Variants in PHF20 observed in about 807,000 individuals in gnomAD.
PHF20 encodes PHD finger protein 20.
PHF20 carries 23 observed loss-of-function variants against 113.5 expected under a neutral mutation model. That is an observed-to-expected ratio of 0.20 (90% CI 0.15 to 0.29). The LOEUF is 0.29. Among genes scored for constraint, PHF20 ranks in the 10% least tolerant of loss-of-function variants. The pLI is 1.00. For synonymous variants in PHF20, 434 were observed against 457.3 expected, an observed-to-expected ratio of 0.95 and a Z score of 0.65; for missense variants, 943 against 1,219.6, an observed-to-expected ratio of 0.77 and a Z score of 3.38.
chr20:35,901,417 A>G (rs888808870), intron 10 of PHF20, among the ~76,000 whole-genome samples: 11 of 151,386 alleles, frequency 7.3e-5, no homozygotes, highest in Admixed American at 5.3e-4. Flanking sequence ...TCTGTCTAAA[A>G]AAAAAAAAAA....
intron 9 of PHF20, among the ~76,000 whole-genome samples, chr20:35,877,579 T>C (rs1229886522): frequency 6.7e-6 from 1 of 148,324 alleles, no homozygotes; most frequent in Admixed American, 6.7e-5. Context: ...CCTCCCACTT[T>C]CTTTTTTTTT....
At chr20:35,835,253 C>T (rs1044254006) in intron 2 of PHF20, among the ~76,000 whole-genome samples, 4 of 151,350 alleles carry the variant, frequency 2.6e-5, no homozygotes, top group Admixed American at 1.3e-4. Flanking sequence ...CCAGTCTGGG[C>T]GACAGAGCGA....
intron 5 of PHF20, among the ~76,000 whole-genome samples, chr20:35,860,978 A>T (rs2054208718): frequency 6.6e-6 from 1 of 152,044 alleles, no homozygotes; most frequent in Admixed American, 6.6e-5. Context: ...GCCATGCTTC[A>T]TTTCTCATTT....
chr20:35,899,893 G>A (rs190903286), intron 10 of PHF20, among the ~76,000 whole-genome samples: 14 of 152,328 alleles, frequency 9.2e-5, no homozygotes, highest in Non-Finnish European at 1.9e-4. Context: ...GCTGCTTCCA[G>A]TATGAGTGGG....
At chr20:35,857,146 AC>A (rs2042845023) in intron 4 of PHF20, among the ~76,000 whole-genome samples, 1 of 152,208 alleles carries the variant, frequency 6.6e-6, no homozygotes, top group Admixed American at 6.5e-5. Flanking sequence ...GGAAACCATT[AC>A]GTGATTACCA....
chr20:35,842,550 C>T, intron 2 of PHF20, 23 bp from the exon 3 acceptor site: 1 of 1,593,006 alleles, frequency 6.3e-7, no homozygotes, highest in Non-Finnish European at 8.6e-7. Flanking sequence ...AAAGGAATGC[C>T]AATTTTTTTT....
At chr20:35,843,736 C>A (rs1182219485) in intron 3 of PHF20, among the ~76,000 whole-genome samples, 2 of 151,972 alleles carry the variant, frequency 1.3e-5, no homozygotes, top group Non-Finnish European at 2.9e-5. Context: ...GCCCACCACA[C>A]CCGGCTAATT....
At position 35,913,277 on chromosome 20, in the gene PHF20, G is replaced by A. The variant is rs1308937561; in HGVS notation, c.1590G>A (p.Glu530=). ...CAAAAGACAAGGAAAAGAATAAAGA[G>A]AAGAAATTCAAGGAGTTTGTGAGAG... The part of the protein sequence containing the change: ...PTTKDKEKNK[E]KKFKEFVRVK... The change falls in exon 11 of 18, where the codon GAG becomes GAA. Residue 530 remains glutamate, a synonymous_variant. Coordinates refer to ENST00000374012, the MANE Select transcript of PHF20 (RefSeq NM_016436.5). 6.2e-7 allele frequency: 1 copy of A among 1,601,508 alleles called. No individual in the cohort carries two copies. The highest frequency in any genetic ancestry group is 8.5e-7 in the Non-Finnish European group (1 of 1,173,130).
At chr20:35,799,185 C>T (rs2041728164) in intron 1 of PHF20, among the ~76,000 whole-genome samples, 1 of 149,252 alleles carries the variant, frequency 6.7e-6, no homozygotes, top group Non-Finnish European at 1.5e-5. Flanking sequence ...GATGCAGTGG[C>T]TCGTGCTTGT....
Position 35,876,709 on chromosome 20 carries a change from G to A in PHF20, c.1282+4880G>A, listed in dbSNP as rs536923449. ...TCTCAGGCTGGGCGTGGTGGCTCACGCCTGTAATTCTAGCACTTTGGGAGG... is the reference window on the plus strand; with the variant it reads ...TCTCAGGCTGGGCGTGGTGGCTCACACCTGTAATTCTAGCACTTTGGGAGG... On this transcript the variant is annotated intron_variant, in intron 9 of 17. Transcript: ENST00000374012. Among the ~76,000 whole-genome samples the A allele has an allele frequency of 8.5e-5, 13 of 152,054 alleles. No individual in the cohort carries two copies. The East Asian group carries it at 1.9e-3, about 23-fold the overall frequency.
intron 10 of PHF20, among the ~76,000 whole-genome samples, chr20:35,910,370 T>G (rs1233581919): frequency 1.3e-5 from 2 of 152,174 alleles, no homozygotes. Context: ...ATGTACTAAA[T>G]GCAACTGAAT....
intron 13 of PHF20, among the ~76,000 whole-genome samples, chr20:35,918,285 GGT>G (rs2055444821): frequency 6.6e-6 from 1 of 152,036 alleles, no homozygotes. Context: ...AAGTTCCCTG[GGT>G]GTCTTGACAG....
At chr20:35,865,501 T>TG (rs1387414395) in intron 6 of PHF20, among the ~76,000 whole-genome samples, 5 of 108,196 alleles carry the variant, frequency 4.6e-5, no homozygotes, top group African/African-American at 3.4e-5. Flanking sequence ...AGTTGTGTTT[T>TG]TTTTTTTTTT....
At chr20:35,782,398 C>T (rs2041319469) in intron 1 of PHF20, 1 of 152,030 alleles carries the variant, frequency 6.6e-6, no homozygotes, top group Admixed American at 6.6e-5. Context: ...AATTCTCCTG[C>T]CTCAGCCTCC....
intron 3 of PHF20, among the ~76,000 whole-genome samples, chr20:35,843,465 G>A (rs1236803553): frequency 7.0e-6 from 1 of 143,050 alleles, no homozygotes; most frequent in Admixed American, 7.5e-5. Flanking sequence ...GTTGCAGTGA[G>A]CCAAGATGAT....
chr20:35,897,356 A>G (rs959420355), intron 9 of PHF20, among the ~76,000 whole-genome samples: 2 of 152,058 alleles, frequency 1.3e-5, no homozygotes, highest in South Asian at 4.1e-4. Flanking sequence ...TGGTACAGTG[A>G]TATTTCCTTA....
intron 6 of PHF20, 81 bp from the exon 7 acceptor site, chr20:35,869,357 T>C: frequency 1.5e-6 from 1 of 666,612 alleles, no homozygotes; most frequent in South Asian, 2.0e-5. Context: ...TATATATGTA[T>C]ATATGTTTTA....
At position 35,849,500 on chromosome 20, in the gene PHF20, A is replaced by AT. The variant is rs1568649299; in HGVS notation, c.340+2067dup. 7 of 468,924 alleles carry AT rather than the reference A, an allele frequency of 1.5e-5. No homozygotes were observed. The Admixed American group carries it at 1.7e-4, about 11-fold the overall frequency. 29.0% of individuals were successfully genotyped at this position (468,924 alleles called of 1,614,324 possible). A position where few individuals can be genotyped will look rare whatever the true frequency, so the allele number is the denominator to read the frequency against. On this transcript the variant is annotated intron_variant, in intron 4 of 17. Transcript: ENST00000374012. The stretch of plus-strand genomic sequence containing the variant: ...TTAATCATGGTAGGCACCTGTCTCT[A>AT]TAAGGTTTTGTGTTTGTGTGTGGGA...
Position 35,914,117 on chromosome 20 carries a change from C to T in PHF20, c.1745C>T (p.Ser582Leu), listed in dbSNP as rs2055357619. ...KAFAVTRCGS[S>L]HKPGVHMSPQ... ...TTTGCTGTTACCAGGTGTGGGTCCT[C>T]ACACAAGCCAGGGGTCCATATGAGC... Residue 582 changes from serine to leucine, a missense_variant, in exon 12 of 18, where the codon TCA (serine) becomes TTA (leucine). This residue lies in a region of PHF20 where 592 missense variants were observed against 787.2 expected (regional missense o/e 0.75). Transcript: ENST00000374012. 1.2e-6 allele frequency: 2 copies of T among 1,614,166 alleles called. No individual in the cohort carries two copies. Among genetic ancestry groups the T allele is most frequent in the East Asian group, 4.5e-5 (2 of 44,882 alleles).
Sources: gnomAD v4.1 joint callset for allele counts (sites outside exome capture counted in the v4.1 genomes callset) on GRCh38, gnomAD v4.1.1 for gene constraint, gnomAD v4.1.1 regional missense constraint, MANE v1.5 for transcripts, NCBI Gene and HGNC (gene_info 2026-07-23, HGNC 2026-07-21) for gene names.